UBE2R2: variants seen among roughly 807,000 people sequenced by gnomAD.
UBE2R2 encodes the protein ubiquitin-conjugating enzyme E2 R2.
In UBE2R2, 1 loss-of-function variant was observed where a neutral mutation model predicts 27.8. That is an observed-to-expected ratio of 0.04 (90% CI 0.01 to 0.17). The LOEUF (loss-of-function observed/expected upper bound fraction) is 0.17, where lower values mean the gene tolerates loss of function less well. Ranked by LOEUF, UBE2R2 falls within the 10% of genes least tolerant of loss-of-function variation. The pLI is 1.00. For synonymous variants in UBE2R2, 106 were observed against 113.3 expected (o/e 0.94, Z 0.41); for missense variants, 100 against 291.0 (o/e 0.34, Z 4.78).
intron 1 of UBE2R2, among the ~76,000 whole-genome samples, chr9:33,841,261 G>T (rs1290781737): frequency 6.6e-6 from 1 of 152,066 alleles, no homozygotes. Context: ...TGGATTATTA[G>T]TAGAGACGGA....
intron 1 of UBE2R2, among the ~76,000 whole-genome samples, chr9:33,846,373 G>A (rs1563986784): frequency 6.6e-6 from 1 of 152,114 alleles, no homozygotes; most frequent in Admixed American, 6.6e-5. Flanking sequence ...GTGTAATTTG[G>A]TAATGTCTAT....
At chr9:33,901,394 A>G (rs1252552250) in intron 3 of UBE2R2, among the ~76,000 whole-genome samples, 1 of 152,076 alleles carries the variant, frequency 6.6e-6, no homozygotes, top group Non-Finnish European at 1.5e-5. Context: ...GCTTTTCTCC[A>G]CTGTAAAGTT....
intron 3 of UBE2R2, among the ~76,000 whole-genome samples, chr9:33,911,212 C>G (rs1219712689): frequency 6.6e-6 from 1 of 151,608 alleles, no homozygotes; most frequent in African/African-American, 2.4e-5. Flanking sequence ...AGTTCAAGAC[C>G]AGTCTGACCA....
At chr9:33,853,207 T>C (rs1458555798) in intron 1 of UBE2R2, among the ~76,000 whole-genome samples, 2 of 148,968 alleles carry the variant, frequency 1.3e-5, no homozygotes, top group Non-Finnish European at 3.0e-5. Flanking sequence ...GTAAAAATAT[T>C]CTCTCTCCCT....
intron 3 of UBE2R2, among the ~76,000 whole-genome samples, chr9:33,902,473 A>G (rs992249833): frequency 6.6e-6 from 1 of 152,206 alleles, no homozygotes; most frequent in Non-Finnish European, 1.5e-5. Context: ...GGTTGCAGCT[A>G]TTATTTTCAA....
At chr9:33,873,610 A>G (rs1270158639) in intron 1 of UBE2R2, among the ~76,000 whole-genome samples, 2 of 152,134 alleles carry the variant, frequency 1.3e-5, no homozygotes, top group African/African-American at 4.8e-5. Context: ...TATGTACACA[A>G]TTTCGAATGA....
intron 1 of UBE2R2, among the ~76,000 whole-genome samples, chr9:33,869,022 C>G (rs1415061438): frequency 6.6e-6 from 1 of 152,144 alleles, no homozygotes; most frequent in African/African-American, 2.4e-5. Flanking sequence ...AATCTCAGCA[C>G]TTTGGGAGAC....
chr9:33,860,141 G>T (rs940439167), intron 1 of UBE2R2, among the ~76,000 whole-genome samples: 130 of 151,666 alleles, frequency 8.6e-4, no homozygotes, highest in African/African-American at 3.0e-3. Context: ...ATTTTAGGAG[G>T]GCACGTTTCT....
intron 3 of UBE2R2, among the ~76,000 whole-genome samples, chr9:33,901,847 A>G (rs1822250997): frequency 2.0e-5 from 3 of 152,104 alleles, no homozygotes; most frequent in Admixed American, 6.6e-5. Context: ...CTAAATTCAA[A>G]TAAATGTGTT....
chr9:33,912,156 C>A, intron 4 of UBE2R2, 58 bp downstream of exon 4: 4 of 1,447,882 alleles, frequency 2.8e-6, no homozygotes, highest in Non-Finnish European at 3.8e-6. Flanking sequence ...ATTCTGGAAC[C>A]AAGGGTTTAA....
At chr9:33,849,290 A>G (rs1335928236) in intron 1 of UBE2R2, among the ~76,000 whole-genome samples, 1 of 152,148 alleles carries the variant, frequency 6.6e-6, no homozygotes, top group Non-Finnish European at 1.5e-5. Flanking sequence ...CTGTTTATTG[A>G]GTGATTAATA....
chr9:33,888,398 G>A (rs1313060783), intron 2 of UBE2R2, among the ~76,000 whole-genome samples: 2 of 152,168 alleles, frequency 1.3e-5, no homozygotes, highest in African/African-American at 4.8e-5. Context: ...CCCAAGCATT[G>A]AAATTGCTTT....
chr9:33,889,052 A>G (rs1253225912), intron 2 of UBE2R2, among the ~76,000 whole-genome samples: 2 of 152,240 alleles, frequency 1.3e-5, no homozygotes, highest in African/African-American at 4.8e-5. Flanking sequence ...ACATAATATA[A>G]ATAAACAATA....
intron 4 of UBE2R2, 147 bp downstream of exon 4, chr9:33,912,245 C>T (rs2130822069): frequency 3.9e-6 from 3 of 768,354 alleles, no homozygotes; most frequent in Non-Finnish European, 6.0e-6. Context: ...AGATTTCTGC[C>T]TGAGCCTAAA....
chr9:33,878,123 C>T (rs1027676955), intron 1 of UBE2R2, among the ~76,000 whole-genome samples: 1 of 152,162 alleles, frequency 6.6e-6, no homozygotes, highest in Non-Finnish European at 1.5e-5. Context: ...AGCATTACCT[C>T]ATTTAATCCT....
intron 3 of UBE2R2, among the ~76,000 whole-genome samples, chr9:33,904,343 C>G (rs1822306495): frequency 6.6e-6 from 1 of 152,154 alleles, no homozygotes; most frequent in African/African-American, 2.4e-5. Context: ...GTTCTGGGCT[C>G]CATGTCCAGT....
chr9:33,876,021 CATAGGTAACT>C (rs1821595391), intron 1 of UBE2R2, among the ~76,000 whole-genome samples: 2 of 152,262 alleles, frequency 1.3e-5, no homozygotes, highest in South Asian at 4.1e-4. Flanking sequence ...TGAGGTAATA[CATAGGTAACT>C]ATAGGTCACC....
intron 1 of UBE2R2, among the ~76,000 whole-genome samples, chr9:33,840,604 T>C (rs1820710834): frequency 6.6e-6 from 1 of 152,204 alleles, no homozygotes; most frequent in Non-Finnish European, 1.5e-5. Flanking sequence ...AGTGTTGTGT[T>C]CTTTCATGGG....
rs1452374974 is a variant in UBE2R2, at chr9:33,918,132, G to A, written c.*895G>A. 6.5e-6 allele frequency: 1 copy of A among 153,016 alleles called. No homozygotes were observed. The allele number at this position is 153,016 out of a possible 1,614,324, so 9.5% of individuals were successfully genotyped here. A position where few individuals can be genotyped will look rare whatever the true frequency, so the allele number is the denominator to read the frequency against. ...TAAGTTTGGTTGATGCTACTGGGGGGAAAAAGTTGAAACTACTGGTGACCA... is the reference window on the plus strand; with the variant it reads ...TAAGTTTGGTTGATGCTACTGGGGGAAAAAAGTTGAAACTACTGGTGACCA... On this transcript the variant is annotated 3_prime_UTR_variant, in exon 5 of 5. Coordinates refer to ENST00000263228, the MANE Select transcript of UBE2R2 (RefSeq NM_017811.4).
Sources: allele counts gnomAD v4.1 joint callset (sites outside exome capture counted in the v4.1 genomes callset), GRCh38; gene constraint gnomAD v4.1.1; transcripts MANE v1.5; gene names NCBI Gene and HGNC (gene_info 2026-07-23, HGNC 2026-07-21).